The following MYCBP2 variants were observed in gnomAD, a reference collection of about 807,000 sequenced individuals.
MYCBP2 encodes the protein E3 ubiquitin-protein ligase MYCBP2.
In MYCBP2, 120 loss-of-function variants were observed where a neutral mutation model predicts 525.3. The ratio of observed to expected loss-of-function variants is 0.23; its 90% CI spans 0.20 to 0.27. The LOEUF (loss-of-function observed/expected upper bound fraction) is 0.27, where lower values mean the gene tolerates loss of function less well. Among genes scored for constraint, MYCBP2 ranks in the 10% least tolerant of loss-of-function variants. The pLI, the probability that MYCBP2 is intolerant of heterozygous loss-of-function variation, is 1.00. For missense variants in MYCBP2, 4,149 were observed against 5,657.1 expected (o/e 0.73, Z 8.55); for synonymous variants, 1,894 against 1,955.8 (o/e 0.97, Z 0.83).
At chr13:77,245,656 G>A (rs1286176044) in intron 15 of MYCBP2, among the ~76,000 whole-genome samples, 8 of 151,382 alleles carry the variant, frequency 5.3e-5, no homozygotes, top group Admixed American at 3.3e-4. Flanking sequence ...CCTAATGACC[G>A]GTTGACAGGT....
chr13:77,257,880 C>A, intron 13 of MYCBP2, 51 bp from the exon 14 acceptor site: 1 of 1,489,856 alleles, frequency 6.7e-7, no homozygotes, highest in Non-Finnish European at 9.0e-7. Context: ...CCCTTCTGAG[C>A]CTAGTAAAAG....
At position 77,168,477 on chromosome 13, in the gene MYCBP2, A is replaced by G. The variant is rs2058771880; in HGVS notation, c.6065T>C (p.Val2022Ala). The G allele has an allele frequency of 6.2e-7, 1 of 1,613,914 alleles. No homozygotes were observed. Among genetic ancestry groups the G allele is most frequent in the African/African-American group, 1.3e-5 (1 of 74,866 alleles). Residue 2022 changes from valine to alanine, a missense_variant, in exon 40 of 83, where the codon GTC becomes GCC. Val to Ala is a moderately conservative substitution (Grantham distance 64). This residue lies in a region of MYCBP2 where 692 missense variants were observed against 852.7 expected (regional missense o/e 0.81). Coordinates refer to ENST00000544440, the MANE Select transcript of MYCBP2 (RefSeq NM_015057.5). Reference sequence around the variant, plus strand: ...TTTATACGGGTGCTCACTCTCTATGACAGCATAGTGACTGGAGGTTGTACA... The same window carrying G: ...TTTATACGGGTGCTCACTCTCTATGGCAGCATAGTGACTGGAGGTTGTACA... ...SACTTSSHYA[V>A]IESEHPYKPA...
chr13:77,226,841 T>A (rs1376359553), intron 18 of MYCBP2, among the ~76,000 whole-genome samples: 1 of 152,138 alleles, frequency 6.6e-6, no homozygotes, highest in Non-Finnish European at 1.5e-5. Context: ...ATAGAACAGG[T>A]AGGCCTGTGT....
chr13:77,090,545 C>A (rs1472735519), intron 59 of MYCBP2: 3 of 221,260 alleles, frequency 1.4e-5, no homozygotes, highest in African/African-American at 4.6e-5. Context: ...GAATCAAAAG[C>A]ACTGGGGTGG....
rs193069129 is a variant in MYCBP2, at chr13:77,274,710, G to A, written c.749-1042C>T. 4.6e-5 allele frequency among the ~76,000 whole-genome samples: 7 copies of A among 152,142 alleles called. No individual in the cohort carries two copies. In the East Asian group the frequency reaches 1.4e-3, roughly 29 times the overall value. ...TCTCATCATCATCTTTCCAATCCAT[G>A]CTATCATCATCTCTTTGATAAAAAG... On this transcript the variant is annotated intron_variant, in intron 4 of 82. Coordinates refer to ENST00000544440, the MANE Select transcript of MYCBP2 (RefSeq NM_015057.5).
At chr13:77,244,059 G>A (rs2069416902) in intron 15 of MYCBP2, 108 bp from the exon 16 acceptor site, 4 of 1,239,534 alleles carry the variant, frequency 3.2e-6, no homozygotes, top group Non-Finnish European at 4.3e-6. Context: ...ATTGTTAAAT[G>A]AGTAAGCAAT....
intron 52 of MYCBP2, among the ~76,000 whole-genome samples, chr13:77,135,402 T>C (rs1422180433): frequency 6.6e-6 from 1 of 152,190 alleles, no homozygotes; most frequent in Non-Finnish European, 1.5e-5. Context: ...TTTAGGTGTG[T>C]TATTTCCTTG....
intron 63 of MYCBP2, chr13:77,082,216 T>C (rs1329627024): frequency 4.7e-6 from 2 of 429,292 alleles, no homozygotes; most frequent in Non-Finnish European, 8.2e-6. Flanking sequence ...AGTTGACCCA[T>C]TTTAAATATA....
chr13:77,283,099 G>A (rs980947650), intron 3 of MYCBP2, among the ~76,000 whole-genome samples: 1 of 152,090 alleles, frequency 6.6e-6, no homozygotes, highest in Admixed American at 6.5e-5. Flanking sequence ...ACTTACTGGA[G>A]TACAAAGTTA....
intron 14 of MYCBP2, among the ~76,000 whole-genome samples, chr13:77,252,288 T>C (rs1253661197): frequency 6.6e-6 from 1 of 152,128 alleles, no homozygotes; most frequent in Non-Finnish European, 1.5e-5. Context: ...ATCCTTACAA[T>C]GTAAAATCAA....
chr13:77,317,301 T>C (rs1049444082), intron 1 of MYCBP2, among the ~76,000 whole-genome samples: 3 of 152,196 alleles, frequency 2.0e-5, no homozygotes, highest in Admixed American at 1.3e-4. Context: ...GTGGCAGCTG[T>C]ACTTTAAAGT....
intron 3 of MYCBP2, among the ~76,000 whole-genome samples, chr13:77,282,409 T>C (rs1205013157): frequency 3.3e-5 from 5 of 149,368 alleles, no homozygotes; most frequent in Non-Finnish European, 7.4e-5. Flanking sequence ...AAACTCCATC[T>C]TGAAAAAAAA....
At position 77,238,910 on chromosome 13, in the gene MYCBP2, C is replaced by G. The variant is rs551064800; in HGVS notation, c.2629+4149G>C. 1.7e-3 allele frequency among the ~76,000 whole-genome samples: 258 copies of G among 152,312 alleles called. 1 individual carries two copies. Among genetic ancestry groups the G allele is most frequent in the Non-Finnish European group, 1.9e-3 (126 of 68,016 alleles). On this transcript the variant is annotated intron_variant, in intron 17 of 82. Coordinates refer to ENST00000544440, the MANE Select transcript of MYCBP2 (RefSeq NM_015057.5). The stretch of plus-strand genomic sequence containing the variant: ...CTTTGGGAGGCTGATCACCTGAGGT[C>G]AGAAGTTTGAGACCAGCCTGGCCAA...
rs767717074 is a variant in MYCBP2, at chr13:77,077,395, A to T, written c.11485-8T>A. 6.2e-7 allele frequency: 1 copy of T among 1,613,432 alleles called. No individual in the cohort carries two copies. The highest frequency in any genetic ancestry group is 8.5e-7 in the Non-Finnish European group (1 of 1,179,528). On this transcript the variant is annotated splice_polypyrimidine_tract_variant and splice_region_variant and intron_variant, in intron 66 of 82. Coordinates refer to ENST00000544440, the MANE Select transcript of MYCBP2 (RefSeq NM_015057.5). ...CCTGGAATCCAGATCAACCTGGTTG[A>T]GTAGAAAAGAGGCAGGAACCTGATT...
At chr13:77,308,913 T>C (rs187394442) in intron 1 of MYCBP2, among the ~76,000 whole-genome samples, 35 of 152,348 alleles carry the variant, frequency 2.3e-4, no homozygotes, top group Admixed American at 1.9e-3. Flanking sequence ...GGAAAGTTTT[T>C]CTGAAGGCAT....
chr13:77,055,439 A>C, intron 80 of MYCBP2, 119 bp downstream of exon 80: 1 of 805,816 alleles, frequency 1.2e-6, no homozygotes, highest in Non-Finnish European at 1.9e-6. Context: ...GTACCAAGCT[A>C]TCTTATTTTT....
chr13:77,087,076 G>T (rs2044441107), intron 62 of MYCBP2, among the ~76,000 whole-genome samples: 1 of 152,078 alleles, frequency 6.6e-6, no homozygotes, highest in African/African-American at 2.4e-5. Flanking sequence ...TGTCTTGTTT[G>T]TGAGTTTTAA....
rs370401180 is a variant in MYCBP2, at chr13:77,260,666, TA to T, written c.1853-75del. ...AATAATAATGGTTTGTATATAAAGC[TA>T]AAAAAAAAACCCATATTATTTGCAT... On this transcript the variant is annotated intron_variant, in intron 12 of 82. Transcript: ENST00000544440. The T allele has an allele frequency of 5.3e-3, 6,011 of 1,127,892 alleles. 2 individuals are homozygous for T. The highest frequency in any genetic ancestry group is 1.0e-2 in the South Asian group (580 of 58,098). 69.9% of individuals were successfully genotyped at this position (1,127,892 alleles called of 1,614,324 possible). A position where few individuals can be genotyped will look rare whatever the true frequency, so the allele number is the denominator to read the frequency against.
At chr13:77,092,755 A>C (rs942075009) in intron 59 of MYCBP2, among the ~76,000 whole-genome samples, 7 of 152,076 alleles carry the variant, frequency 4.6e-5, no homozygotes, top group Admixed American at 6.6e-5. Context: ...CATTATTGTA[A>C]CAAGTTTCTA....
Sources: allele counts gnomAD v4.1 joint callset (sites outside exome capture counted in the v4.1 genomes callset), GRCh38; gene constraint gnomAD v4.1.1; regional missense constraint gnomAD v4.1.1; transcripts MANE v1.5; gene names NCBI Gene and HGNC (gene_info 2026-07-23, HGNC 2026-07-21).